The following DLC1 variants were observed in gnomAD, a reference collection of about 807,000 sequenced individuals.
DLC1 encodes the protein DLC1 Rho GTPase activating protein.
Under a neutral mutation model 140.3 loss-of-function variants are expected in DLC1, and 54 were observed. That is an observed-to-expected ratio of 0.38 (90% CI 0.31 to 0.48). The LOEUF (loss-of-function observed/expected upper bound fraction) is 0.48. DLC1 is among the 20% of genes least tolerant of loss of function. DLC1 has a pLI of 0.96. For missense variants in DLC1, 2,536 were observed against 1,907.0 expected (o/e 1.33, Z -6.14); for synonymous variants, 986 against 728.1 (o/e 1.35, Z -5.70).
At chr8:13,595,018 G>GA (rs1316588818) in intron 1 of DLC1, among the ~76,000 whole-genome samples, 14 of 150,582 alleles carry the variant, frequency 9.3e-5, no homozygotes, top group African/African-American at 3.4e-4. Context: ...CAATTGTTGT[G>GA]AGAAAAAAAA....
chr8:13,485,419 C>G (rs1278072634), intron 2 of DLC1, among the ~76,000 whole-genome samples: 2 of 152,172 alleles, frequency 1.3e-5, no homozygotes, highest in Non-Finnish European at 2.9e-5. Context: ...ACCCTATTTT[C>G]TGCTGTCTCA....
At chr8:13,207,906 G>A (rs1192010496) in intron 5 of DLC1, among the ~76,000 whole-genome samples, 2 of 152,282 alleles carry the variant, frequency 1.3e-5, no homozygotes, top group South Asian at 2.1e-4. Flanking sequence ...GTACTTGACA[G>A]TATTATGTAT....
chr8:13,422,237 G>C (rs1410630321), intron 2 of DLC1, among the ~76,000 whole-genome samples: 3 of 152,074 alleles, frequency 2.0e-5, no homozygotes, highest in African/African-American at 7.2e-5. Flanking sequence ...ATCTTTCTGT[G>C]TTTTCAAAAG....
chr8:13,553,203 C>CATAT (rs1201746846), intron 1 of DLC1, among the ~76,000 whole-genome samples: 1,072 of 67,840 alleles, frequency 0.016, 128 homozygotes, highest in East Asian at 0.038. Context: ...TGCCAGCTGT[C>CATAT]ATATATATAT....
chr8:13,557,436 C>T (rs529723619), intron 1 of DLC1, among the ~76,000 whole-genome samples: 3 of 152,030 alleles, frequency 2.0e-5, no homozygotes, highest in Non-Finnish European at 2.9e-5. Context: ...GAGGTCAGCC[C>T]GAAGGCAGGT....
chr8:13,565,226 A>G (rs1283812281), intron 1 of DLC1, among the ~76,000 whole-genome samples: 3 of 152,188 alleles, frequency 2.0e-5, no homozygotes, highest in Non-Finnish European at 2.9e-5. Flanking sequence ...ATTTTTAAAA[A>G]TCAAGAGAAA....
At chr8:13,228,074 GGTATCCT>G (rs1426818097) in intron 5 of DLC1, among the ~76,000 whole-genome samples, 2 of 152,002 alleles carry the variant, frequency 1.3e-5, no homozygotes, top group Non-Finnish European at 2.9e-5. Context: ...TGTATATCAG[GGTATCCT>G]GTAAACTGTA....
At chr8:13,414,926 T>C (rs1344878564) in intron 2 of DLC1, among the ~76,000 whole-genome samples, 1 of 152,116 alleles carries the variant, frequency 6.6e-6, no homozygotes, top group African/African-American at 2.4e-5. Flanking sequence ...TATTCCTGCC[T>C]CAGCCTCCTG....
At chr8:13,305,094 C>T (rs945567448) in intron 5 of DLC1, 175 bp downstream of exon 5, 13 of 1,283,684 alleles carry the variant, frequency 1.0e-5, no homozygotes, top group African/African-American at 1.5e-5. Context: ...CAGAAAACCA[C>T]GTATATTTTT....
At chr8:13,593,536 C>T (rs574046798) in intron 1 of DLC1, among the ~76,000 whole-genome samples, 1 of 152,132 alleles carries the variant, frequency 6.6e-6, no homozygotes, top group South Asian at 2.1e-4. Flanking sequence ...AACCTGGATG[C>T]CAAAGACAGG....
In DLC1 at chr8:13,094,858, C is replaced by A; in HGVS notation, c.3427G>T (p.Ala1143Ser). The A allele has an allele frequency of 6.2e-7, 1 of 1,614,226 alleles. No individual in the cohort carries two copies. Among genetic ancestry groups the A allele is most frequent in the Non-Finnish European group, 8.5e-7 (1 of 1,180,046 alleles). Residue 1143 changes from alanine to serine, a missense_variant, in exon 12 of 18, where the codon GCT (alanine) becomes TCT (serine). Physicochemically the swap from Ala to Ser is moderately conservative, Grantham distance 99 (BLOSUM62 1). Coordinates refer to ENST00000276297, the MANE Select transcript of DLC1 (RefSeq NM_182643.3). ...TTCAGCATGTCTGCCACGTCATAAG[C>A]AGACTGTCCTTCGTAGTTGACACAG... ...IDCVNYEGQS[A>S]YDVADMLKQY... is the part of the protein sequence containing the mutation.
At chr8:13,110,066 A>C (rs148699304) in intron 7 of DLC1, among the ~76,000 whole-genome samples, 74 of 152,276 alleles carry the variant, frequency 4.9e-4, no homozygotes, top group South Asian at 1.0e-3. Flanking sequence ...AAGGATGAAA[A>C]ACTTAAAATG....
chr8:13,186,741 T>C (rs1010536648), intron 5 of DLC1, among the ~76,000 whole-genome samples: 12 of 152,248 alleles, frequency 7.9e-5, no homozygotes, highest in South Asian at 4.1e-4. Flanking sequence ...CTCTGAGTTT[T>C]AGAATTTTCA....
chr8:13,469,725 A>T (rs1800118407), intron 2 of DLC1, among the ~76,000 whole-genome samples: 1 of 152,210 alleles, frequency 6.6e-6, no homozygotes. Context: ...AGATATATAG[A>T]CTACATAACT....
intron 5 of DLC1, among the ~76,000 whole-genome samples, chr8:13,180,622 T>C (rs938365898): frequency 6.6e-6 from 1 of 152,094 alleles, no homozygotes; most frequent in African/African-American, 2.4e-5. Context: ...CAGTGCATCA[T>C]GTAGAACTGG....
chr8:13,512,518 G>A (rs934197953), intron 1 of DLC1, among the ~76,000 whole-genome samples: 1 of 152,140 alleles, frequency 6.6e-6, no homozygotes, highest in Non-Finnish European at 1.5e-5. Context: ...AATCAATTAA[G>A]GGATTGCAAA....
intron 5 of DLC1, among the ~76,000 whole-genome samples, chr8:13,217,281 G>A (rs1188276): frequency 2.6e-5 from 4 of 152,016 alleles, no homozygotes; most frequent in East Asian, 1.9e-4. Context: ...ACCAAATCAC[G>A]TTTGTGACTT....
intron 5 of DLC1, among the ~76,000 whole-genome samples, chr8:13,225,464 T>C (rs1344875050): frequency 6.6e-6 from 1 of 152,076 alleles, no homozygotes; most frequent in African/African-American, 2.4e-5. Context: ...TCACAGCTGG[T>C]TAGAAGGGCA....
intron 1 of DLC1, chr8:13,557,547 G>A (rs1399116238): frequency 6.6e-6 from 1 of 152,186 alleles, no homozygotes; most frequent in Non-Finnish European, 1.5e-5. Flanking sequence ...TCATGGGGGT[G>A]GTTTTCCCCT....
Sources: allele counts gnomAD v4.1 joint callset (sites outside exome capture counted in the v4.1 genomes callset), GRCh38; gene constraint gnomAD v4.1.1; transcripts MANE v1.5; gene names NCBI Gene and HGNC (gene_info 2026-07-23, HGNC 2026-07-21).